Variants in OSBPL1A observed in about 807,000 individuals in gnomAD.
OSBPL1A encodes the protein oxysterol-binding protein-related protein 1.
Under a neutral mutation model 137.1 loss-of-function variants are expected in OSBPL1A, and 80 were observed. The ratio of observed to expected loss-of-function variants is 0.58; its 90% CI spans 0.49 to 0.70. OSBPL1A has a LOEUF of 0.70. Ranked by LOEUF, OSBPL1A falls within the 30% of genes least tolerant of loss-of-function variation. OSBPL1A has a pLI of 0.00. For synonymous variants in OSBPL1A, 365 were observed against 389.7 expected (o/e 0.94, Z 0.75); for missense variants, 970 against 1,129.4 (o/e 0.86, Z 2.02).
chr18:24,281,457 G>A (rs977077972), intron 14 of OSBPL1A, among the ~76,000 whole-genome samples: 5 of 151,046 alleles, frequency 3.3e-5, no homozygotes, highest in Non-Finnish European at 7.4e-5. Flanking sequence ...GAGTAATCTC[G>A]GCTTATTGTA....
At chr18:24,219,224 T>C (rs115635105) in intron 17 of OSBPL1A, among the ~76,000 whole-genome samples, 247 of 152,076 alleles carry the variant, frequency 1.6e-3, no homozygotes, top group African/African-American at 5.7e-3. Context: ...ACCAAGGAGG[T>C]TGAGGCTGCA....
chr18:24,364,501 G>T (rs117364266), intron 4 of OSBPL1A, among the ~76,000 whole-genome samples: 108 of 152,316 alleles, frequency 7.1e-4, no homozygotes, highest in East Asian at 5.6e-3. Flanking sequence ...CATGCCTACA[G>T]TCCCAGCTAC....
chr18:24,274,725 C>T (rs275869), intron 15 of OSBPL1A, among the ~76,000 whole-genome samples: 84,928 of 151,896 alleles, frequency 0.56, 25,024 homozygotes, highest in African/African-American at 0.7. Flanking sequence ...CTGGTTAACA[C>T]AGTGAAACCC....
intron 18 of OSBPL1A, among the ~76,000 whole-genome samples, chr18:24,193,118 A>C (rs1382884450): frequency 1.3e-5 from 2 of 152,230 alleles, no homozygotes; most frequent in Non-Finnish European, 2.9e-5. Context: ...GAAGGTATAC[A>C]CATGGCTTCT....
intron 4 of OSBPL1A, among the ~76,000 whole-genome samples, chr18:24,351,568 T>C (rs2091442154): frequency 6.6e-6 from 1 of 152,132 alleles, no homozygotes; most frequent in Non-Finnish European, 1.5e-5. Flanking sequence ...AGATAGAGTT[T>C]CGCTCTTGTC....
intron 1 of OSBPL1A, among the ~76,000 whole-genome samples, chr18:24,379,372 T>G (rs930304846): frequency 4.6e-5 from 7 of 151,758 alleles, no homozygotes; most frequent in Non-Finnish European, 1.0e-4. Context: ...ACACAAAAAT[T>G]AGTTGGGTCT....
intron 1 of OSBPL1A, among the ~76,000 whole-genome samples, chr18:24,385,068 C>T (rs1185815468): frequency 1.3e-5 from 2 of 151,508 alleles, no homozygotes; most frequent in Non-Finnish European, 2.9e-5. Flanking sequence ...CATTCTCCTG[C>T]CTCAGCCTCC....
chr18:24,244,655 A>G (rs1336411555), intron 15 of OSBPL1A, among the ~76,000 whole-genome samples: 1 of 152,194 alleles, frequency 6.6e-6, no homozygotes, highest in Non-Finnish European at 1.5e-5. Context: ...TCCTCAAACC[A>G]CTTCAATATG....
At chr18:24,335,432 A>C (rs1289271615) in intron 5 of OSBPL1A, among the ~76,000 whole-genome samples, 2 of 152,212 alleles carry the variant, frequency 1.3e-5, no homozygotes, top group Non-Finnish European at 2.9e-5. Context: ...CCATGCTCTT[A>C]TCACTACGCT....
At chr18:24,343,083 T>C (rs2091296588) in intron 4 of OSBPL1A, among the ~76,000 whole-genome samples, 1 of 151,930 alleles carries the variant, frequency 6.6e-6, no homozygotes, top group African/African-American at 2.4e-5. Flanking sequence ...AATTTACAAA[T>C]ACAAGTCTCT....
At chr18:24,375,151 C>T (rs1201106574) in intron 2 of OSBPL1A, among the ~76,000 whole-genome samples, 1 of 151,736 alleles carries the variant, frequency 6.6e-6, no homozygotes, top group South Asian at 2.1e-4. Context: ...CCCGTTTCTA[C>T]AAGAAATACA....
intron 18 of OSBPL1A, among the ~76,000 whole-genome samples, chr18:24,193,011 G>A (rs1230099670): frequency 2.6e-5 from 4 of 152,176 alleles, no homozygotes; most frequent in African/African-American, 7.2e-5. Flanking sequence ...AGCAGGAAGA[G>A]CTAAGGCTCA....
At chr18:24,165,618 C>T (rs933537527) in intron 26 of OSBPL1A, among the ~76,000 whole-genome samples, 2 of 152,176 alleles carry the variant, frequency 1.3e-5, no homozygotes, top group African/African-American at 4.8e-5. Flanking sequence ...GTTAGATGTG[C>T]TGGCTCTATC....
chr18:24,260,037 A>G (rs568625968), intron 15 of OSBPL1A, among the ~76,000 whole-genome samples: 2 of 152,294 alleles, frequency 1.3e-5, no homozygotes, highest in East Asian at 3.9e-4. Context: ...GGACTCAGAC[A>G]TTTCTCCAAA....
At chr18:24,180,286 T>C (rs1044800915) in intron 19 of OSBPL1A, among the ~76,000 whole-genome samples, 1 of 152,222 alleles carries the variant, frequency 6.6e-6, no homozygotes, top group African/African-American at 2.4e-5. Context: ...TGCTATTGCT[T>C]TGTTGAAGGA....
At chr18:24,229,833 C>T (rs547878028) in intron 16 of OSBPL1A, among the ~76,000 whole-genome samples, 13 of 152,136 alleles carry the variant, frequency 8.5e-5, no homozygotes, top group African/African-American at 2.9e-4. Context: ...TCACTGCAAC[C>T]TCTGCCTCCC....
At chr18:24,388,659 G>T (rs1000432919) in intron 1 of OSBPL1A, among the ~76,000 whole-genome samples, 12 of 151,860 alleles carry the variant, frequency 7.9e-5, no homozygotes, top group African/African-American at 2.7e-4. Flanking sequence ...AATTAGCCAG[G>T]CGTGGTGATG....
At chr18:24,318,851 T>G in intron 7 of OSBPL1A, 42 bp from the exon 8 acceptor site, 1 of 1,506,468 alleles carries the variant, frequency 6.6e-7, no homozygotes. Context: ...ACAGCTTAAA[T>G]GTACTATGAC....
chr18:24,243,436 A>G (rs1049833398), intron 15 of OSBPL1A, among the ~76,000 whole-genome samples: 3 of 152,204 alleles, frequency 2.0e-5, no homozygotes, highest in Non-Finnish European at 2.9e-5. Context: ...TGTTGACACC[A>G]TATCTTTAAA....
Sources: gnomAD v4.1 joint callset for allele counts (sites outside exome capture counted in the v4.1 genomes callset) on GRCh38, gnomAD v4.1.1 for gene constraint, MANE v1.5 for transcripts, NCBI Gene and HGNC (gene_info 2026-07-23, HGNC 2026-07-21) for gene names.